The following HEATR5B variants were observed in gnomAD, a reference collection of about 807,000 sequenced individuals.
HEATR5B encodes the protein HEAT repeat containing 5B.
In HEATR5B, 156 loss-of-function variants were observed where a neutral mutation model predicts 224.1. That is an observed-to-expected ratio of 0.70 (90% CI 0.61 to 0.80). HEATR5B has a LOEUF of 0.80. Ranked by LOEUF, HEATR5B falls within the 30% of genes least tolerant of loss-of-function variation. The probability of loss-of-function intolerance (pLI) is 0.00; values close to 1 mark genes in which losing one functional copy is unlikely to be tolerated. For missense variants in HEATR5B, 2,323 were observed against 2,535.5 expected (o/e 0.92, Z 1.80); for synonymous variants, 1,027 against 893.0 (o/e 1.15, Z -2.68).
At chr2:37,060,360 C>T (rs1458958530) in intron 12 of HEATR5B, among the ~76,000 whole-genome samples, 2 of 152,088 alleles carry the variant, frequency 1.3e-5, no homozygotes, top group Non-Finnish European at 2.9e-5. Context: ...TCCTGTCTAA[C>T]CACCAGGTCT....
intron 7 of HEATR5B, among the ~76,000 whole-genome samples, 175 bp from the exon 8 acceptor site, chr2:37,069,105 A>G (rs1279834163): frequency 1.3e-5 from 2 of 152,264 alleles, no homozygotes; most frequent in Non-Finnish European, 2.9e-5. Context: ...ACGAATTATT[A>G]GTGAAGTATC....
chr2:37,051,971 C>G (rs538875416), intron 17 of HEATR5B, among the ~76,000 whole-genome samples: 1 of 152,152 alleles, frequency 6.6e-6, no homozygotes, highest in East Asian at 1.9e-4. Flanking sequence ...AACTCCTGAC[C>G]TCAGGTGATC....
chr2:37,013,552 T>C (rs557359461), intron 27 of HEATR5B, among the ~76,000 whole-genome samples: 64 of 152,248 alleles, frequency 4.2e-4, no homozygotes, highest in African/African-American at 1.4e-3. Flanking sequence ...ATGGCCTCAA[T>C]ATCAAGGTGG....
chr2:37,028,151 T>C lies in HEATR5B; in HGVS notation c.3625A>G (p.Ser1209Gly), dbSNP rs1354508848. 4.4e-6 allele frequency: 7 copies of C among 1,606,870 alleles called. No individual in the cohort carries two copies. Among genetic ancestry groups the C allele is most frequent in the African/African-American group, 4.0e-5 (3 of 74,740 alleles). ...SSDMSTATLL[S>G]SGKDEEAEKK... ...TCAGCTTCTTCATCTTTTCCACTAC[T>C]TAAGAGAGTTGCAGTACTCATATCT... The change falls in exon 24 of 36, where the codon AGT (serine) becomes GGT (glycine). Residue 1209 changes from serine to glycine, a missense_variant. This residue lies in a region of HEATR5B where 339 missense variants were observed against 378.4 expected (regional missense o/e 0.90). Coordinates refer to ENST00000233099, the MANE Select transcript of HEATR5B (RefSeq NM_019024.3).
chr2:37,059,123 C>G (rs934622398), intron 12 of HEATR5B, 136 bp from the exon 13 acceptor site: 1 of 464,982 alleles, frequency 2.2e-6, no homozygotes, highest in African/African-American at 2.0e-5. Flanking sequence ...CATGTCGAAC[C>G]AAAAGAAAAA....
rs1055083639 is a variant in HEATR5B, at chr2:37,079,953, A to C, written c.127-622T>G. 2.6e-5 allele frequency among the ~76,000 whole-genome samples: 4 copies of C among 152,352 alleles called. No individual in the cohort carries two copies. The South Asian group carries it at 8.3e-4, about 32-fold the overall frequency. On this transcript the variant is annotated intron_variant, in intron 2 of 35. Coordinates refer to ENST00000233099, the MANE Select transcript of HEATR5B (RefSeq NM_019024.3). ...GAGGAGGGACAGAGTTTACCAAACA[A>C]ACAAATGAATAGTATGGGTGGTTAC...
chr2:37,056,091 C>G (rs1302043758), intron 16 of HEATR5B, among the ~76,000 whole-genome samples: 1 of 152,034 alleles, frequency 6.6e-6, no homozygotes, highest in Non-Finnish European at 1.5e-5. Flanking sequence ...TAGTCAAAAC[C>G]TATGTATGAA....
At chr2:37,028,624 T>C in intron 23 of HEATR5B, 57 bp downstream of exon 23, 2 of 1,411,622 alleles carry the variant, frequency 1.4e-6, no homozygotes, top group Non-Finnish European at 2.0e-6. Flanking sequence ...TATCTATATG[T>C]ATATATCAGA....
At chr2:36,983,552 A>AAAAC (rs1665726568) in intron 35 of HEATR5B, among the ~76,000 whole-genome samples, 1 of 151,792 alleles carries the variant, frequency 6.6e-6, no homozygotes, top group Admixed American at 6.6e-5. Context: ...AAAACAAAAC[A>AAAAC]AAACAAAACA....
intron 25 of HEATR5B, among the ~76,000 whole-genome samples, chr2:37,020,196 T>C (rs541237055): frequency 2.6e-5 from 4 of 152,188 alleles, no homozygotes; most frequent in Admixed American, 6.5e-5. Flanking sequence ...TGAACCACCA[T>C]GCCCGGCCTC....
intron 26 of HEATR5B, among the ~76,000 whole-genome samples, chr2:37,018,824 G>A (rs941643871): frequency 2.6e-5 from 4 of 152,004 alleles, no homozygotes; most frequent in Non-Finnish European, 5.9e-5. Flanking sequence ...TTTTCAAAAT[G>A]AAGCATATGA....
chr2:37,070,314 T>G lies in HEATR5B; in HGVS notation c.843A>C (p.Gly281=). 6.2e-7 allele frequency: 1 copy of G among 1,613,968 alleles called. No individual in the cohort carries two copies. The highest frequency in any genetic ancestry group is 8.5e-7 in the Non-Finnish European group (1 of 1,179,856). The part of the protein sequence containing the change: ...LELMATGFLR[G]GSGFLKSGGE... ...CACCGCTCTTTAAGAAACCTGACCC[T>G]CCACGCAGAAATCCTGTGGCCATGA... Residue 281 remains glycine, a synonymous_variant, in exon 7 of 36, where the codon GGA becomes GGC. Coordinates refer to ENST00000233099, the MANE Select transcript of HEATR5B (RefSeq NM_019024.3).
intron 9 of HEATR5B, among the ~76,000 whole-genome samples, chr2:37,065,463 C>T (rs1165918513): frequency 6.6e-6 from 1 of 151,916 alleles, no homozygotes; most frequent in Non-Finnish European, 1.5e-5. Flanking sequence ...CACGTGTCAC[C>T]ACAGCTGGCT....
chr2:37,021,334 A>G (rs879854612), intron 24 of HEATR5B, among the ~76,000 whole-genome samples: 2 of 152,172 alleles, frequency 1.3e-5, no homozygotes, highest in Non-Finnish European at 2.9e-5. Flanking sequence ...AGGTTCCCAC[A>G]ATGATAGAAG....
intron 35 of HEATR5B, among the ~76,000 whole-genome samples, chr2:36,983,025 C>CACT: frequency 6.6e-6 from 1 of 152,196 alleles, no homozygotes; most frequent in East Asian, 1.9e-4. Context: ...ATGCCTAGAA[C>CACT]ACTACCTGGT....
intron 8 of HEATR5B, among the ~76,000 whole-genome samples, chr2:37,067,518 C>G (rs1197279349): frequency 6.6e-6 from 1 of 152,148 alleles, no homozygotes; most frequent in Non-Finnish European, 1.5e-5. Context: ...CCTGTAATCC[C>G]AGCACTCTGG....
intron 34 of HEATR5B, 99 bp downstream of exon 34, chr2:36,990,549 T>C: frequency 7.0e-6 from 8 of 1,142,266 alleles, no homozygotes; most frequent in South Asian, 5.4e-5. Context: ...TGCAAATACT[T>C]AGCTTTTCAT....
rs777159304 is a variant in HEATR5B at position 36,981,606 on chromosome 2, G to A, written c.6100C>T (p.Arg2034Cys). 7 of 1,614,018 alleles carry A rather than the reference G, an allele frequency of 4.3e-6. No individual in the cohort carries two copies. Among genetic ancestry groups the A allele is most frequent in the East Asian group, 2.2e-5 (1 of 44,892 alleles). Residue 2034 changes from arginine (R) to cysteine (C), a missense_variant, in exon 36 of 36, where the codon CGT (arginine) becomes TGT (cysteine). Physicochemically the swap from Arg to Cys is radical, Grantham distance 180. Coordinates refer to ENST00000233099, the MANE Select transcript of HEATR5B (RefSeq NM_019024.3). Reference protein sequence around the residue: ...VMGAAPELKVRLETAVRASQA... With the variant: ...VMGAAPELKVCLETAVRASQA... ...CTTGCTCGAACGGCAGTTTCTAGAC[G>A]CACTTTCAACTCAGGAGCAGCCCCC...
intron 26 of HEATR5B, 82 bp downstream of exon 26, chr2:37,019,727 C>G (rs1307261020): frequency 9.7e-6 from 10 of 1,031,278 alleles, no homozygotes; most frequent in Non-Finnish European, 1.5e-5. Flanking sequence ...AAATTTTTCT[C>G]TATTCCTTTA....
Sources: allele counts gnomAD v4.1 joint callset (sites outside exome capture counted in the v4.1 genomes callset), GRCh38; gene constraint gnomAD v4.1.1; regional missense constraint gnomAD v4.1.1; transcripts MANE v1.5; gene names NCBI Gene and HGNC (gene_info 2026-07-23, HGNC 2026-07-21).